ITPR2: variants seen among roughly 807,000 people sequenced by gnomAD.
ITPR2 encodes the protein inositol 1,4,5-trisphosphate-gated calcium channel ITPR2.
Under a neutral mutation model 317.1 loss-of-function variants are expected in ITPR2, and 207 were observed. The observed-to-expected ratio is 0.65, with a 90% CI of 0.58 to 0.73. ITPR2 has a LOEUF of 0.73. Ranked by LOEUF, ITPR2 falls within the 30% of genes least tolerant of loss-of-function variation. The probability of loss-of-function intolerance (pLI) is 0.00; values close to 1 mark genes in which losing one functional copy is unlikely to be tolerated. For missense variants in ITPR2, 2,613 were observed against 3,284.0 expected (o/e 0.80, Z 4.99); for synonymous variants, 1,156 against 1,149.1 (o/e 1.01, Z -0.12).
At chr12:26,344,480 C>T (rs1254347599) in intron 55 of ITPR2, among the ~76,000 whole-genome samples, 1 of 152,182 alleles carries the variant, frequency 6.6e-6, no homozygotes, top group Non-Finnish European at 1.5e-5. Flanking sequence ...GACTGCAACT[C>T]TCACAGATAG....
At position 26,556,287 on chromosome 12, in the gene ITPR2, A is replaced by T; in HGVS notation, c.4910T>A (p.Leu1637Gln). Residue 1637 changes from leucine (L) to glutamine (Q), a missense_variant, in exon 36 of 57, where the codon CTG becomes CAG. Transcript: ENST00000381340. ...TGCATCGCTTCCCTCAGGGAACAGC[A>T]GTTCTGGACTGTACAATACATCAAC... The part of the protein sequence containing the change: ...VLVDVLYSPE[L>Q]LFPEGSDARI... The T allele has an allele frequency of 6.2e-7, 1 of 1,613,692 alleles. No homozygotes were observed. The highest frequency in any genetic ancestry group is 8.5e-7 in the Non-Finnish European group (1 of 1,179,794).
intron 42 of ITPR2, 61 bp downstream of exon 42, chr12:26,483,637 A>G: frequency 1.6e-6 from 2 of 1,234,210 alleles, no homozygotes; most frequent in Non-Finnish European, 2.4e-6. Context: ...AGTGCACACA[A>G]AGATTGGCTC....
chr12:26,663,369 T>C (rs1168259422), intron 15 of ITPR2, among the ~76,000 whole-genome samples: 3 of 152,176 alleles, frequency 2.0e-5, no homozygotes. Flanking sequence ...CCTCACATGT[T>C]CCTCAAGCCA....
chr12:26,592,537 C>T (rs1283531258), intron 32 of ITPR2, among the ~76,000 whole-genome samples: 1 of 152,140 alleles, frequency 6.6e-6, no homozygotes, highest in Non-Finnish European at 1.5e-5. Flanking sequence ...ATATATACAG[C>T]TACTATTTAT....
At chr12:26,708,471 T>A (rs1276001288) in intron 9 of ITPR2, among the ~76,000 whole-genome samples, 2 of 152,154 alleles carry the variant, frequency 1.3e-5, no homozygotes, top group Non-Finnish European at 2.9e-5. Flanking sequence ...CTGGAGGACA[T>A]TATGTTAAGT....
intron 2 of ITPR2, among the ~76,000 whole-genome samples, chr12:26,759,148 A>G (rs1949584492): frequency 6.6e-6 from 1 of 152,242 alleles, no homozygotes; most frequent in African/African-American, 2.4e-5. Context: ...CACCGTTTCA[A>G]AAAAGAAACA....
chr12:26,550,297 G>T lies in ITPR2; in HGVS notation c.5023C>A (p.Leu1675Ile). 6.4e-7 allele frequency: 1 copy of T among 1,553,996 alleles called. No individual in the cohort carries two copies. The highest frequency in any genetic ancestry group is 8.8e-7 in the Non-Finnish European group (1 of 1,132,286). ...TCTAACATTTCTCGTAATGTCTGAA[G>T]AATTTTAATGCACAGTTTTTCTTCT... ...EKEEKLCIKI[L>I]QTLREMLEKK... Residue 1675 changes from leucine to isoleucine, a missense_variant, in exon 37 of 57, where the codon CTT (leucine) becomes ATT (isoleucine). By Grantham distance (5) the Leu-to-Ile change is conservative. Around this residue, in one of 9 missense-constraint regions of ITPR2, gnomAD observed 926 missense variants for 1,072.8 expected, o/e 0.86. Coordinates refer to ENST00000381340, the MANE Select transcript of ITPR2 (RefSeq NM_002223.4).
chr12:26,433,866 G>A (rs994990843), intron 48 of ITPR2, among the ~76,000 whole-genome samples: 1 of 152,106 alleles, frequency 6.6e-6, no homozygotes, highest in Admixed American at 6.5e-5. Context: ...GGAAACTATA[G>A]AGTCTGCATG....
At chr12:26,799,681 T>G (rs1179741324) in intron 1 of ITPR2, among the ~76,000 whole-genome samples, 1 of 152,194 alleles carries the variant, frequency 6.6e-6, no homozygotes. Flanking sequence ...TAAAATAACT[T>G]CCTTTTCTTG....
At chr12:26,539,029 C>T (rs1370275273) in intron 37 of ITPR2, among the ~76,000 whole-genome samples, 3 of 152,136 alleles carry the variant, frequency 2.0e-5, no homozygotes. Context: ...TCTAGATATG[C>T]CTAGTCAACA....
At chr12:26,560,202 T>C (rs932052994) in intron 35 of ITPR2, among the ~76,000 whole-genome samples, 9 of 152,172 alleles carry the variant, frequency 5.9e-5, no homozygotes, top group Non-Finnish European at 1.0e-4. Context: ...TCCACTCCCT[T>C]TGCTCTCCTG....
At chr12:26,779,926 G>A (rs1950047490) in intron 2 of ITPR2, among the ~76,000 whole-genome samples, 1 of 152,244 alleles carries the variant, frequency 6.6e-6, no homozygotes, top group Non-Finnish European at 1.5e-5. Flanking sequence ...GGGCCTCTCT[G>A]AGTGGTCAAA....
At chr12:26,472,836 C>T (rs551212675) in intron 45 of ITPR2, among the ~76,000 whole-genome samples, 142 of 152,008 alleles carry the variant, frequency 9.3e-4, no homozygotes, top group African/African-American at 3.4e-3. Flanking sequence ...CATGTATCAT[C>T]GTCTTTTTAA....
chr12:26,589,876 A>G (rs1945655921), intron 32 of ITPR2, among the ~76,000 whole-genome samples: 1 of 137,472 alleles, frequency 7.3e-6, no homozygotes, highest in East Asian at 1.9e-4. Context: ...ACACACACAC[A>G]CACACACACA....
chr12:26,666,770 A>G lies in ITPR2; in HGVS notation c.1410-719T>C, dbSNP rs186158765. Among the ~76,000 whole-genome samples the G allele has an allele frequency of 1.4e-3, 217 of 152,282 alleles. 1 individual carries two copies. The highest frequency in any genetic ancestry group is 2.6e-3 in the Non-Finnish European group (174 of 68,000). The stretch of plus-strand genomic sequence containing the variant: ...CTATATTTTGGTTATTATTACAACT[A>G]TTACTTGAACTTCAGTGGCATGTAG... On this transcript the variant is annotated intron_variant, in intron 13 of 56. Transcript: ENST00000381340.
At chr12:26,681,584 G>T (rs1187031190) in intron 13 of ITPR2, among the ~76,000 whole-genome samples, 1 of 152,138 alleles carries the variant, frequency 6.6e-6, no homozygotes, top group Non-Finnish European at 1.5e-5. Flanking sequence ...GCAGCAAAAG[G>T]TATTGCAAAT....
intron 37 of ITPR2, among the ~76,000 whole-genome samples, chr12:26,507,923 C>T (rs768047880): frequency 2.8e-5 from 4 of 143,736 alleles, no homozygotes; most frequent in Admixed American, 1.4e-4. Flanking sequence ...GTAATATATA[C>T]GTATATCTAT....
intron 45 of ITPR2, among the ~76,000 whole-genome samples, chr12:26,473,111 TC>T (rs1347894370): frequency 6.6e-6 from 1 of 152,186 alleles, no homozygotes; most frequent in Non-Finnish European, 1.5e-5. Context: ...GCTCTTGAAC[TC>T]CTGACTTCAA....
Position 26,436,324 on chromosome 12 carries a change from G to A in ITPR2, c.6666C>T (p.Phe2222=). 1 of 1,612,566 alleles carries A rather than the reference G, an allele frequency of 6.2e-7. No homozygotes were observed. The highest frequency in any genetic ancestry group is 8.5e-7 in the Non-Finnish European group (1 of 1,179,400). ...TCCCCCAGAGAGAGATGTGCCTCGA[G>A]AACCAGAACAGTGCAGGGTTATCTA... The part of the protein sequence containing the change: ...KIRNNPALFW[F]SRHISLWGSI... The change falls in exon 48 of 57, where the codon TTC becomes TTT. Residue 2222 remains phenylalanine, a synonymous_variant. Coordinates refer to ENST00000381340, the MANE Select transcript of ITPR2 (RefSeq NM_002223.4).
Sources: gnomAD v4.1 joint callset for allele counts (sites outside exome capture counted in the v4.1 genomes callset) on GRCh38, gnomAD v4.1.1 for gene constraint, gnomAD v4.1.1 regional missense constraint, MANE v1.5 for transcripts, NCBI Gene and HGNC (gene_info 2026-07-23, HGNC 2026-07-21) for gene names.